The following TLE4 variants were observed in gnomAD, a reference collection of about 807,000 sequenced individuals.
TLE4 encodes TLE family member 4, transcriptional corepressor.
Under a neutral mutation model 92.8 loss-of-function variants are expected in TLE4, and 8 were observed. That is an observed-to-expected ratio of 0.09 (90% CI 0.05 to 0.16). The LOEUF (loss-of-function observed/expected upper bound fraction) is 0.16, where lower values mean the gene tolerates loss of function less well. Among genes scored for constraint, TLE4 ranks in the 10% least tolerant of loss-of-function variants. The probability of loss-of-function intolerance (pLI) is 1.00; values close to 1 mark genes in which losing one functional copy is unlikely to be tolerated. For missense variants in TLE4, 675 were observed against 997.6 expected, an observed-to-expected ratio of 0.68 and a Z score of 4.36; for synonymous variants, 371 against 374.1, an observed-to-expected ratio of 0.99 and a Z score of 0.10.
intron 1 of TLE4, chr9:79,573,450 C>A (rs1423385550): frequency 9.0e-7 from 1 of 1,113,270 alleles, no homozygotes; most frequent in Non-Finnish European, 1.2e-6. Flanking sequence ...CTCGAACCCT[C>A]GGGGTCCGGG....
At chr9:79,669,125 C>T (rs1023627435) in intron 8 of TLE4, among the ~76,000 whole-genome samples, 30 of 152,054 alleles carry the variant, frequency 2.0e-4, no homozygotes, top group African/African-American at 6.5e-4. Flanking sequence ...ATTTTTTCTT[C>T]CTTTAAAATG....
At chr9:79,653,807 T>TA (rs2059378815) in intron 7 of TLE4, among the ~76,000 whole-genome samples, 1 of 152,220 alleles carries the variant, frequency 6.6e-6, no homozygotes, top group Non-Finnish European at 1.5e-5. Flanking sequence ...AAAAAGTCTA[T>TA]AAGGAGCACA....
At chr9:79,705,714 C>T (rs961137970) in intron 9 of TLE4, among the ~76,000 whole-genome samples, 175 bp from the exon 10 acceptor site, 1 of 152,276 alleles carries the variant, frequency 6.6e-6, no homozygotes, top group Admixed American at 6.5e-5. Context: ...AAATATATTA[C>T]CCACCTCCAT....
intron 8 of TLE4, among the ~76,000 whole-genome samples, chr9:79,674,919 G>A (rs2063019237): frequency 2.0e-5 from 3 of 152,160 alleles, no homozygotes; most frequent in Admixed American, 2.0e-4. Flanking sequence ...ATTTTAACTT[G>A]TAGCCTCATC....
intron 6 of TLE4, among the ~76,000 whole-genome samples, chr9:79,629,653 T>C (rs1012566136): frequency 6.6e-6 from 1 of 152,226 alleles, no homozygotes; most frequent in Non-Finnish European, 1.5e-5. Context: ...ACTCTTGGTA[T>C]CTGAGCAGAA....
chr9:79,666,500 A>T (rs1045751925), intron 8 of TLE4, among the ~76,000 whole-genome samples: 1 of 151,972 alleles, frequency 6.6e-6, no homozygotes, highest in Non-Finnish European at 1.5e-5. Context: ...CAGCCTCCCA[A>T]AGTGTTGGGA....
Position 79,689,966 on chromosome 9 carries a change from T to G in TLE4, c.610-14817T>G, listed in dbSNP as rs545515906. Among the ~76,000 whole-genome samples the G allele has an allele frequency of 7.2e-5, 11 of 152,264 alleles. No homozygotes were observed. The South Asian group carries it at 8.3e-4, about 11-fold the overall frequency. On this transcript the variant is annotated intron_variant, in intron 8 of 19. Coordinates refer to ENST00000376552, the MANE Select transcript of TLE4 (RefSeq NM_007005.6). ...TTCTGGGGTGGGTTCCAGATGGGGC[T>G]TTTTGAAAGCTCCACAGGTGATTCT...
At position 79,705,820 on chromosome 9, in the gene TLE4, G is replaced by C. The variant is rs376361824; in HGVS notation, c.730-69G>C. On this transcript the variant is annotated intron_variant, in intron 9 of 19. Transcript: ENST00000376552. ...TTATAAGATATGAGGAATTAGTCTG[G>C]ACTTACTTAGGGTAAATGTGGTATG... is the stretch of plus-strand genomic sequence containing the variant. 286 of 1,475,132 alleles carry C rather than the reference G, an allele frequency of 1.9e-4. 1 individual carries two copies. The highest frequency in any genetic ancestry group is 2.6e-4 in the Non-Finnish European group (272 of 1,053,200). The allele number at this position is 1,475,132 out of a possible 1,614,324, so 91.4% of individuals were successfully genotyped here.
At chr9:79,597,893 G>A (rs575551893) in intron 4 of TLE4, among the ~76,000 whole-genome samples, 8 of 151,996 alleles carry the variant, frequency 5.3e-5, no homozygotes, top group Non-Finnish European at 1.0e-4. Flanking sequence ...CAGAGCAAGC[G>A]TTCCATGAAT....
At chr9:79,575,053 T>C (rs2037290091) in intron 3 of TLE4, 117 bp downstream of exon 3, 1 of 799,676 alleles carries the variant, frequency 1.3e-6, no homozygotes, top group Non-Finnish European at 2.1e-6. Context: ...CCAGTGCAGT[T>C]GAAGTTGTGG....
At chr9:79,583,676 C>T (rs1007738402) in intron 4 of TLE4, among the ~76,000 whole-genome samples, 7 of 151,974 alleles carry the variant, frequency 4.6e-5, no homozygotes, top group African/African-American at 7.3e-5. Context: ...TCCTTATTTT[C>T]GAACTATGTA....
At chr9:79,609,700 A>G (rs555710584) in intron 4 of TLE4, among the ~76,000 whole-genome samples, 1 of 152,068 alleles carries the variant, frequency 6.6e-6, no homozygotes, top group African/African-American at 2.4e-5. Context: ...TCTGAAGGCA[A>G]TAGTTTAGCA....
At chr9:79,572,892 C>A in intron 1 of TLE4, 57 bp downstream of exon 1, 1 of 1,543,334 alleles carries the variant, frequency 6.5e-7, no homozygotes, top group Non-Finnish European at 8.8e-7. Context: ...CCCCGCGTCG[C>A]CCCCTGCGCA....
chr9:79,642,362 C>CCTCCT (rs2057336880), intron 6 of TLE4, among the ~76,000 whole-genome samples: 1 of 151,890 alleles, frequency 6.6e-6, no homozygotes, highest in African/African-American at 2.4e-5. Flanking sequence ...CTCAAGTGAT[C>CCTCCT]CTCCTGCCTC....
intron 8 of TLE4, among the ~76,000 whole-genome samples, chr9:79,654,392 A>G (rs1297001109): frequency 6.6e-6 from 1 of 152,146 alleles, no homozygotes; most frequent in Non-Finnish European, 1.5e-5. Flanking sequence ...TAAGATAACA[A>G]TGAAATGAAT....
intron 8 of TLE4, among the ~76,000 whole-genome samples, chr9:79,665,982 T>A (rs1454397061): frequency 6.6e-6 from 1 of 152,204 alleles, no homozygotes; most frequent in Admixed American, 6.5e-5. Context: ...ATTTTATTTC[T>A]ATGTCTTGGA....
intron 8 of TLE4, among the ~76,000 whole-genome samples, chr9:79,684,625 C>T (rs1362146740): frequency 6.6e-6 from 1 of 152,194 alleles, no homozygotes; most frequent in East Asian, 1.9e-4. Context: ...GAAAAATTGT[C>T]TTCCATGAAG....
intron 4 of TLE4, among the ~76,000 whole-genome samples, chr9:79,586,373 A>G (rs1252888246): frequency 5.9e-5 from 9 of 151,812 alleles, no homozygotes; most frequent in Admixed American, 5.2e-4. Flanking sequence ...AAAAAAAAAA[A>G]AGAAAAGAAA....
At chr9:79,694,481 G>T (rs1481132076) in intron 8 of TLE4, among the ~76,000 whole-genome samples, 1 of 152,036 alleles carries the variant, frequency 6.6e-6, no homozygotes, top group South Asian at 2.1e-4. Flanking sequence ...AGATCTTGTT[G>T]TCATGTGAAA....
Sources: allele counts gnomAD v4.1 joint callset (sites outside exome capture counted in the v4.1 genomes callset), GRCh38; gene constraint gnomAD v4.1.1; transcripts MANE v1.5; gene names NCBI Gene and HGNC (gene_info 2026-07-23, HGNC 2026-07-21).